Variants in FAM151B observed in about 807,000 individuals in gnomAD.
The protein encoded by FAM151B is family with sequence similarity 151 member B.
A neutral mutation model predicts 31.2 loss-of-function variants in FAM151B; 24 were observed. The observed-to-expected ratio is 0.77, with a 90% CI of 0.56 to 1.08. The LOEUF is 1.08. Among genes scored for constraint, FAM151B ranks in the 50% least tolerant of loss-of-function variants. The probability of loss-of-function intolerance (pLI) is 0.00; values close to 1 mark genes in which losing one functional copy is unlikely to be tolerated. For missense variants in FAM151B, 293 were observed against 328.6 expected (o/e 0.89, Z 0.84); for synonymous variants, 105 against 111.4 (o/e 0.94, Z 0.36).
In FAM151B at chr5:80,494,279, A is replaced by C. The variant is rs564648682; in HGVS notation, c.25+6131A>C. On this transcript the variant is annotated intron_variant, in intron 1 of 5. Transcript: ENST00000282226. ...GCTGGAGATTCTCAGAGGTTGATTC[A>C]TGAGGTTTAAGGGAAAAGGCTGTTT... Among the ~76,000 whole-genome samples, 10 of 152,304 alleles carry C rather than the reference A, an allele frequency of 6.6e-5. No homozygotes were observed. In the East Asian group the frequency reaches 1.7e-3, roughly 27 times the overall value.
chr5:80,514,347 C>T (rs573718145), intron 3 of FAM151B, among the ~76,000 whole-genome samples: 5 of 151,864 alleles, frequency 3.3e-5, no homozygotes, highest in African/African-American at 7.2e-5. Flanking sequence ...TGGTGGTGGG[C>T]GCCTGTAATC....
intron 1 of FAM151B, among the ~76,000 whole-genome samples, chr5:80,491,596 A>C (rs1350198149): frequency 6.6e-6 from 1 of 151,956 alleles, no homozygotes; most frequent in Non-Finnish European, 1.5e-5. Context: ...GGAACTTTGC[A>C]CCCTTTGACT....
intron 5 of FAM151B, among the ~76,000 whole-genome samples, chr5:80,535,956 A>G (rs1273895427): frequency 1.3e-5 from 2 of 152,214 alleles, no homozygotes; most frequent in Non-Finnish European, 2.9e-5. Context: ...AAAAAAAGAC[A>G]TACAAATGGC....
Position 80,522,152 on chromosome 5 carries a change from T to G in FAM151B, c.671+14T>G, listed in dbSNP as rs376735520. On this transcript the variant is annotated intron_variant, in intron 5 of 5. Transcript: ENST00000282226. ...GAAATCAAACAGGTATGTAATAGTT[T>G]AACAAATGTGTATGTGAGTGTGTAT... 1.2e-6 allele frequency: 2 copies of G among 1,608,060 alleles called. No individual in the cohort carries two copies. The highest frequency in any genetic ancestry group is 1.7e-6 in the Non-Finnish European group (2 of 1,175,262).
intron 5 of FAM151B, chr5:80,522,435 G>T: frequency 4.4e-6 from 1 of 227,402 alleles, no homozygotes; most frequent in Non-Finnish European, 8.5e-6. Flanking sequence ...AATTATGAGT[G>T]GATAAATTAG....
intron 2 of FAM151B, chr5:80,506,168 T>G (rs2112614395): frequency 1.1e-6 from 1 of 952,206 alleles, no homozygotes; most frequent in Non-Finnish European, 1.3e-6. Context: ...CACTTGAAGT[T>G]TTCCTGATGA....
chr5:80,538,442 T>TCTCTC (rs1561383457), intron 5 of FAM151B, among the ~76,000 whole-genome samples: 8 of 56,592 alleles, frequency 1.4e-4, no homozygotes, highest in African/African-American at 3.4e-4. Flanking sequence ...CTTTCTTTCT[T>TCTCTC]TCTTTCTCTT....
At chr5:80,538,450 C>CTTTCTTTGTTTCTTTG (rs1256954562) in intron 5 of FAM151B, among the ~76,000 whole-genome samples, 1 of 69,926 alleles carries the variant, frequency 1.4e-5, no homozygotes, top group African/African-American at 5.9e-5. Flanking sequence ...CTTTCTTTCT[C>CTTTCTTTGTTTCTTTG]TTTCTTTCTT....
At chr5:80,503,883 A>G (rs1300386893) in intron 2 of FAM151B, among the ~76,000 whole-genome samples, 1 of 151,978 alleles carries the variant, frequency 6.6e-6, no homozygotes, top group Non-Finnish European at 1.5e-5. Flanking sequence ...TCCCTGTTAT[A>G]TGAGACTATT....
chr5:80,521,455 G>T (rs1744716698), intron 4 of FAM151B, among the ~76,000 whole-genome samples: 1 of 151,892 alleles, frequency 6.6e-6, no homozygotes, highest in South Asian at 2.1e-4. Flanking sequence ...TTAAATATAT[G>T]TAAAATATAT....
chr5:80,511,397 C>T (rs533852462), intron 2 of FAM151B, among the ~76,000 whole-genome samples: 76 of 142,060 alleles, frequency 5.3e-4, no homozygotes, highest in Non-Finnish European at 1.1e-3. Context: ...TCCCTGGAGC[C>T]CAAGAGTTTC....
intron 3 of FAM151B, among the ~76,000 whole-genome samples, chr5:80,514,649 G>C (rs1326018299): frequency 6.6e-6 from 1 of 152,100 alleles, no homozygotes; most frequent in East Asian, 1.9e-4. Flanking sequence ...GAAATATACA[G>C]CAACACTTCA....
chr5:80,514,674 A>T (rs1319782950), intron 3 of FAM151B, among the ~76,000 whole-genome samples: 5 of 152,092 alleles, frequency 3.3e-5, no homozygotes, highest in Admixed American at 6.5e-5. Flanking sequence ...CACACTGTAA[A>T]GCTTATGAAG....
chr5:80,528,952 T>C (rs1745100018), intron 5 of FAM151B, among the ~76,000 whole-genome samples: 2 of 152,134 alleles, frequency 1.3e-5, no homozygotes, highest in Admixed American at 1.3e-4. Flanking sequence ...CAGCACCACA[T>C]CGCATTTATT....
chr5:80,541,706 T>C lies in FAM151B; in HGVS notation c.705T>C (p.Asp235=), dbSNP rs773980596. The change falls in exon 6 of 6, where the codon GAT becomes GAC. Residue 235 remains aspartate (D), a synonymous_variant. Coordinates refer to ENST00000282226, the MANE Select transcript of FAM151B (RefSeq NM_205548.3). ...YSLTIWTGKN[D]NYSVEDLLYI... ...TGACTATTTGGACTGGAAAAAATGA[T>C]AACTATTCCGTTGAAGATTTACTTT... 1.2e-6 allele frequency: 2 copies of C among 1,613,574 alleles called. No individual in the cohort carries two copies. The highest frequency in any genetic ancestry group is 2.2e-5 in the South Asian group (2 of 91,056).
chr5:80,490,603 T>C (rs1177693972), intron 1 of FAM151B, among the ~76,000 whole-genome samples: 1 of 152,196 alleles, frequency 6.6e-6, no homozygotes, highest in Non-Finnish European at 1.5e-5. Context: ...CTGCTATTCT[T>C]CTATTTTCTG....
intron 5 of FAM151B, among the ~76,000 whole-genome samples, chr5:80,539,288 A>G (rs1222815398): frequency 6.6e-6 from 1 of 151,798 alleles, no homozygotes; most frequent in Non-Finnish European, 1.5e-5. Context: ...ATGATATGCT[A>G]TCTGTTGTGT....
intron 5 of FAM151B, among the ~76,000 whole-genome samples, chr5:80,524,162 T>A (rs1744846830): frequency 6.6e-6 from 1 of 152,148 alleles, no homozygotes; most frequent in African/African-American, 2.4e-5. Context: ...GAGAAACATT[T>A]ACAATATAGA....
intron 1 of FAM151B, chr5:80,498,670 C>T (rs1195929729): frequency 3.4e-5 from 22 of 656,032 alleles, no homozygotes; most frequent in Non-Finnish European, 5.7e-6. Context: ...CCATTCTCTT[C>T]CACCTTATAG....
Sources: allele counts gnomAD v4.1 joint callset (sites outside exome capture counted in the v4.1 genomes callset), GRCh38; gene constraint gnomAD v4.1.1; transcripts MANE v1.5; gene names NCBI Gene and HGNC (gene_info 2026-07-23, HGNC 2026-07-21).